The following PEX13 variants were observed in gnomAD, a reference collection of about 807,000 sequenced individuals.
PEX13 encodes peroxisomal biogenesis factor 13, also known as peroxisome biogenesis factor 13.
In PEX13, 28 loss-of-function variants were observed where a neutral mutation model predicts 34.5. That is an observed-to-expected ratio of 0.81 (90% CI 0.60 to 1.11). The LOEUF (loss-of-function observed/expected upper bound fraction) is 1.11, where lower values mean the gene tolerates loss of function less well. Among genes scored for constraint, PEX13 ranks in the 50% most tolerant of loss-of-function variants. The probability of loss-of-function intolerance (pLI) is 0.00; values close to 1 mark genes in which losing one functional copy is unlikely to be tolerated. For missense variants in PEX13, 550 were observed against 491.0 expected, an observed-to-expected ratio of 1.12 and a Z score of -1.13; for synonymous variants, 177 against 175.1, an observed-to-expected ratio of 1.01 and a Z score of -0.09.
rs1448241583 is a variant in PEX13, at chr2:61,017,727, G to A, written c.-33G>A. 9 of 1,531,026 alleles carry A rather than the reference G, an allele frequency of 5.9e-6. No homozygotes were observed. The Admixed American group carries it at 5.9e-5, about 10-fold the overall frequency. The allele number at this position is 1,531,026 out of a possible 1,614,324, so 94.8% of individuals were successfully genotyped here. A position where few individuals can be genotyped will look rare whatever the true frequency, so the allele number is the denominator to read the frequency against. The stretch of plus-strand genomic sequence containing the variant: ...GTCTACGCGGGCCTGGACAGTCAGG[G>A]GTAGGAGCGGGAGCCGAGAGGAGGC... On this transcript the variant is annotated 5_prime_UTR_variant, in exon 1 of 4. Transcript: ENST00000295030.
rs188490620 is a variant in PEX13, at chr2:61,023,054, G to T, written c.92+5203G>T. Among the ~76,000 whole-genome samples the T allele has an allele frequency of 2.6e-5, 4 of 151,970 alleles. No individual in the cohort carries two copies. In the East Asian group the frequency reaches 5.8e-4, roughly 22 times the overall value. On this transcript the variant is annotated intron_variant, in intron 1 of 3. Transcript: ENST00000295030. ...GTGTCTCACTCTGCCACCCGGGCTG[G>T]AGTGCAGTGGTGCAGTCATGGCTCA...
chr2:61,032,194 T>A, intron 2 of PEX13, 81 bp downstream of exon 2: 1 of 983,126 alleles, frequency 1.0e-6, no homozygotes. Flanking sequence ...GTTTTCTTTA[T>A]ATTGATTTGT....
chr2:61,044,522 G>A (rs1680675444), intron 2 of PEX13, among the ~76,000 whole-genome samples: 2 of 152,132 alleles, frequency 1.3e-5, no homozygotes, highest in Non-Finnish European at 2.9e-5. Flanking sequence ...AAAGTACTGG[G>A]ATTATAGGCA....
chr2:61,040,528 T>C (rs1286294774), intron 2 of PEX13, among the ~76,000 whole-genome samples: 2 of 151,126 alleles, frequency 1.3e-5, no homozygotes, highest in Non-Finnish European at 2.9e-5. Flanking sequence ...TAGGTGGGAG[T>C]TGAACAATGA....
rs1032573775 is a variant in PEX13, at chr2:61,033,477, A to G, written c.787+1364A>G. Among the ~76,000 whole-genome samples, 7 of 152,222 alleles carry G rather than the reference A, an allele frequency of 4.6e-5. No individual in the cohort carries two copies. The South Asian group carries it at 6.2e-4, about 14-fold the overall frequency. On this transcript the variant is annotated intron_variant, in intron 2 of 3. Coordinates refer to ENST00000295030, the MANE Select transcript of PEX13 (RefSeq NM_002618.4). ...ATTTGTTGGGTGCCAACTACATACCAAAGAATTCTCAGAGCTAGGGATATA... is the reference window on the plus strand; with the variant it reads ...ATTTGTTGGGTGCCAACTACATACCGAAGAATTCTCAGAGCTAGGGATATA...
At chr2:61,034,484 G>A (rs1025315353) in intron 2 of PEX13, among the ~76,000 whole-genome samples, 3 of 152,202 alleles carry the variant, frequency 2.0e-5, no homozygotes, top group East Asian at 3.8e-4. Context: ...CACAGAGGGC[G>A]AGCTGAAGCA....
At position 61,031,727 on chromosome 2, in the gene PEX13, A is replaced by G. The variant is rs766685605; in HGVS notation, c.401A>G (p.Glu134Gly). 3.1e-6 allele frequency: 5 copies of G among 1,614,096 alleles called. No homozygotes were observed. Among genetic ancestry groups the G allele is most frequent in the Non-Finnish European group, 4.2e-6 (5 of 1,180,032 alleles). ...ESSRGAFQSI[E>G]SIVHAFASVS... ...AGCAGGGGTGCATTTCAGTCCATTG[A>G]AAGTATTGTGCATGCATTTGCCTCT... Residue 134 changes from glutamate to glycine, a missense_variant, in exon 2 of 4, where the codon GAA becomes GGA. By Grantham distance (98) the Glu-to-Gly change is moderately conservative. Coordinates refer to ENST00000295030, the MANE Select transcript of PEX13 (RefSeq NM_002618.4).
At chr2:61,033,592 G>A (rs1253600431) in intron 2 of PEX13, among the ~76,000 whole-genome samples, 1 of 152,136 alleles carries the variant, frequency 6.6e-6, no homozygotes, top group African/African-American at 2.4e-5. Context: ...TATATAGTAA[G>A]CCAGAAGGTA....
chr2:61,031,256 C>T (rs1204422913), intron 1 of PEX13, among the ~76,000 whole-genome samples, 163 bp from the exon 2 acceptor site: 1 of 152,204 alleles, frequency 6.6e-6, no homozygotes, highest in Non-Finnish European at 1.5e-5. Context: ...TGTGCTACTA[C>T]ACTCCAGCTT....
At chr2:61,032,477 C>G (rs1044472075) in intron 2 of PEX13, among the ~76,000 whole-genome samples, 2 of 152,172 alleles carry the variant, frequency 1.3e-5, no homozygotes, top group African/African-American at 2.4e-5. Context: ...TGGGGAGAGA[C>G]ATAAGGTTTC....
rs775676798 is a variant in PEX13 at position 61,031,486 on chromosome 2, C to G, written c.160C>G (p.Pro54Ala). Residue 54 changes from proline to alanine, a missense_variant, in exon 2 of 4, where the codon CCT becomes GCT. Transcript: ENST00000295030. ...ACCAGCACTTACCAGAGTGCCCCCA[C>G]CTATTCTTCCAAGGCCATCACAGCA... ...GQPALTRVPP[P>A]ILPRPSQQTG... The G allele has an allele frequency of 5.0e-6, 8 of 1,614,098 alleles. No individual in the cohort carries two copies. In the South Asian group the frequency reaches 6.6e-5, roughly 13 times the overall value.
At chr2:61,041,721 T>C (rs1307002204) in intron 2 of PEX13, among the ~76,000 whole-genome samples, 1 of 152,144 alleles carries the variant, frequency 6.6e-6, no homozygotes, top group African/African-American at 2.4e-5. Context: ...AGATTGTCAG[T>C]TTTTTGTTTT....
intron 1 of PEX13, chr2:61,018,198 T>C (rs1356553388): frequency 1.9e-6 from 3 of 1,551,046 alleles, no homozygotes; most frequent in East Asian, 4.9e-5. Flanking sequence ...GACTTTGGTC[T>C]GTAGCAGTTG....
In PEX13 at chr2:61,017,750, G is replaced by A. The variant is rs1342966151; in HGVS notation, c.-10G>A. The A allele has an allele frequency of 1.9e-6, 3 of 1,548,704 alleles. No individual in the cohort carries two copies. Among genetic ancestry groups the A allele is most frequent in the Non-Finnish European group, 1.7e-6 (2 of 1,146,230 alleles). On this transcript the variant is annotated 5_prime_UTR_variant, in exon 1 of 4. Coordinates refer to ENST00000295030, the MANE Select transcript of PEX13 (RefSeq NM_002618.4). ...GGGGTAGGAGCGGGAGCCGAGAGGA[G>A]GCGGAGGAGATGGCGTCCCAGCCGC... is the stretch of plus-strand genomic sequence containing the variant.
rs1680747144 is a variant in PEX13 at position 61,048,606 on chromosome 2, A to C, written c.1048A>C (p.Lys350Gln). 6.2e-7 allele frequency: 1 copy of C among 1,614,070 alleles called. No individual in the cohort carries two copies. Among genetic ancestry groups the C allele is most frequent in the South Asian group, 1.1e-5 (1 of 91,088 alleles). Residue 350 changes from lysine (K) to glutamine (Q), a missense_variant, in exon 4 of 4, where the codon AAG (lysine) becomes CAG (glutamine). By Grantham distance (53) the Lys-to-Gln change is moderately conservative (BLOSUM62 1). Transcript: ENST00000295030. The part of the protein sequence containing the change: ...RKTVESSKVS[K>Q]QQQSFTNPTL... The stretch of plus-strand genomic sequence containing the variant: ...AACGGTGGAATCAAGTAAAGTTTCC[A>C]AGCAGCAACAATCTTTTACCAACCC...
chr2:61,034,297 G>A (rs926290998), intron 2 of PEX13, among the ~76,000 whole-genome samples: 10 of 152,238 alleles, frequency 6.6e-5, no homozygotes, highest in Middle Eastern at 3.4e-3. Context: ...ACACCCAGCC[G>A]ACTTAGGTTT....
intron 3 of PEX13, among the ~76,000 whole-genome samples, chr2:61,047,396 C>T (rs151238248): frequency 0.062 from 9,417 of 152,146 alleles, 1,011 homozygotes; most frequent in African/African-American, 0.22. Flanking sequence ...CCTTGTGATC[C>T]GCCCGACTTG....
At chr2:61,019,995 G>A (rs780866652) in intron 1 of PEX13, among the ~76,000 whole-genome samples, 5 of 152,034 alleles carry the variant, frequency 3.3e-5, no homozygotes, top group Non-Finnish European at 4.4e-5. Context: ...GAGACTGGGC[G>A]GGCAGATCAC....
At position 61,031,946 on chromosome 2, in the gene PEX13, A is replaced by C. The variant is rs1316575619; in HGVS notation, c.620A>C (p.Asn207Thr). The change falls in exon 2 of 4, where the codon AAT (asparagine) becomes ACT (threonine). Residue 207 changes from asparagine (N) to threonine (T), a missense_variant. Asn to Thr is a moderately conservative substitution (Grantham distance 65). Transcript: ENST00000295030. ...TTAGGTTTAAGAAGAGGCTCTGAGA[A>C]TGAAGACCTCTGGGCAGAGAGTGAA... Reference protein sequence around the residue: ...RMLGLRRGSENEDLWAESEGT... With the variant: ...RMLGLRRGSETEDLWAESEGT... 3.1e-5 allele frequency: 50 copies of C among 1,614,086 alleles called. No individual in the cohort carries two copies. Among genetic ancestry groups the C allele is most frequent in the Non-Finnish European group, 3.9e-5 (46 of 1,180,022 alleles).
Sources: gnomAD v4.1 joint callset for allele counts (sites outside exome capture counted in the v4.1 genomes callset) on GRCh38, gnomAD v4.1.1 for gene constraint, MANE v1.5 for transcripts, NCBI Gene and HGNC (gene_info 2026-07-23, HGNC 2026-07-21) for gene names.